Variants in MCPH1 observed in about 807,000 individuals in gnomAD.
The protein encoded by MCPH1 is microcephalin.
A neutral mutation model predicts 84.5 loss-of-function variants in MCPH1; 104 were observed. The observed-to-expected ratio is 1.23, with a 90% confidence interval of 1.05 to 1.45. The LOEUF is 1.45. MCPH1 is among the 40% of genes most tolerant of loss of function. The probability of loss-of-function intolerance (pLI) is 0.00; values close to 1 mark genes in which losing one functional copy is unlikely to be tolerated. For missense variants in MCPH1, 1,498 were observed against 1,005.7 expected (o/e 1.49, Z -6.62); for synonymous variants, 514 against 366.8 (o/e 1.40, Z -4.58).
At chr8:6,414,637 A>G (rs577377777) in intron 2 of MCPH1, 128 bp from the exon 3 acceptor site, 63 of 975,922 alleles carry the variant, frequency 6.5e-5, no homozygotes, top group Middle Eastern at 6.6e-4. Context: ...AGCGTTATGC[A>G]TTCCTTTGAG....
intron 3 of MCPH1, among the ~76,000 whole-genome samples, chr8:6,425,212 G>C (rs907976208): frequency 1.3e-5 from 2 of 152,206 alleles, no homozygotes; most frequent in East Asian, 3.8e-4. Flanking sequence ...TTTGATTTCT[G>C]TTGGCTCTGA....
At chr8:6,568,429 A>T (rs1826391969) in intron 12 of MCPH1, among the ~76,000 whole-genome samples, 1 of 152,228 alleles carries the variant, frequency 6.6e-6, no homozygotes, top group African/African-American at 2.4e-5. Context: ...AAAGTGGAGC[A>T]GCCCCCCAGC....
intron 2 of MCPH1, 108 bp downstream of exon 2, chr8:6,409,478 C>T: frequency 1.1e-6 from 1 of 883,040 alleles, no homozygotes; most frequent in Non-Finnish European, 1.9e-6. Flanking sequence ...CTGGACGAAG[C>T]AATGGGTAAG....
intron 10 of MCPH1, among the ~76,000 whole-genome samples, chr8:6,479,127 T>G (rs1808851045): frequency 6.6e-6 from 1 of 152,014 alleles, no homozygotes; most frequent in South Asian, 2.1e-4. Context: ...TTAGCCAGAC[T>G]TGGTGGTGAA....
At chr8:6,514,437 C>T (rs1342882136) in intron 12 of MCPH1, among the ~76,000 whole-genome samples, 1 of 152,186 alleles carries the variant, frequency 6.6e-6, no homozygotes, top group Non-Finnish European at 1.5e-5. Context: ...AATCCATCTG[C>T]CTCGGCCTCC....
chr8:6,453,755 C>T (rs191380842), intron 8 of MCPH1, among the ~76,000 whole-genome samples: 119 of 152,210 alleles, frequency 7.8e-4, no homozygotes, highest in Non-Finnish European at 2.5e-4. Context: ...TCATGTTCTA[C>T]CCCGGGGGAT....
In MCPH1 at chr8:6,571,130, CAGA is replaced by C. The variant is rs565463513; in HGVS notation, c.2215-50321_2215-50319del. 3.9e-5 allele frequency among the ~76,000 whole-genome samples: 6 copies of C among 152,110 alleles called. No individual in the cohort carries two copies. The South Asian group carries it at 8.3e-4, about 21-fold the overall frequency. ...TTTTATCTTCCCATCAAAAAAATGC[CAGA>C]AGGTCAAGATAGAAGTCACAACATT... On this transcript the variant is annotated intron_variant, in intron 12 of 13. Coordinates refer to ENST00000344683, the MANE Select transcript of MCPH1 (RefSeq NM_024596.5).
chr8:6,519,786 T>G (rs1816958945), intron 12 of MCPH1: 1 of 1,534,674 alleles, frequency 6.5e-7, no homozygotes, highest in Non-Finnish European at 8.9e-7. Flanking sequence ...GGGGAGAGAC[T>G]TCTGCTCTCT....
intron 12 of MCPH1, among the ~76,000 whole-genome samples, chr8:6,614,479 C>G (rs958392507): frequency 1.3e-5 from 2 of 152,238 alleles, no homozygotes; most frequent in African/African-American, 4.8e-5. Context: ...TTCTCGCCCC[C>G]TCTTGTCCCT....
At chr8:6,408,947 G>A (rs185639353) in intron 1 of MCPH1, among the ~76,000 whole-genome samples, 5,547 of 151,504 alleles carry the variant, frequency 0.037, 303 homozygotes, top group African/African-American at 0.12. Flanking sequence ...GTGCAATGGC[G>A]CAATCTCGGC....
intron 9 of MCPH1, among the ~76,000 whole-genome samples, chr8:6,472,331 T>C (rs1367467428): frequency 6.6e-6 from 1 of 152,250 alleles, no homozygotes; most frequent in Non-Finnish European, 1.5e-5. Flanking sequence ...TGTGACAATT[T>C]GTCCCATATA....
chr8:6,502,179 G>A (rs1301362591), intron 12 of MCPH1: 1 of 152,046 alleles, frequency 6.6e-6, no homozygotes, highest in Non-Finnish European at 1.5e-5. Context: ...AGAATGAAAT[G>A]TATAATTTTC....
rs57281899 is a variant in MCPH1, at chr8:6,468,646, GT to G, written c.1936-8933del. Among the ~76,000 whole-genome samples the G allele has an allele frequency of 7.9e-3, 1,055 of 132,838 alleles. 12 individuals carry two copies. Among genetic ancestry groups the G allele is most frequent in the African/African-American group, 0.021 (773 of 37,472 alleles). The allele number at this position is 132,838 out of a possible 152,430, so 87.1% of individuals were successfully genotyped here. On this transcript the variant is annotated intron_variant, in intron 9 of 13. Transcript: ENST00000344683. ...AACTACTTGGATGTACATTTTTTTG[GT>G]TTTTTTTTTTTTTTGCTATGAAAAT...
rs141298198 is a variant in MCPH1 at position 6,608,683 on chromosome 8, C to T, written c.2215-12771C>T. On this transcript the variant is annotated intron_variant, in intron 12 of 13. Coordinates refer to ENST00000344683, the MANE Select transcript of MCPH1 (RefSeq NM_024596.5). Reference sequence around the variant, plus strand: ...CACTCCTGCTACTCTGGCCAAACCTCGTATACTTCAATCAGAATGCTCGGA... The same window carrying T: ...CACTCCTGCTACTCTGGCCAAACCTTGTATACTTCAATCAGAATGCTCGGA... Among the ~76,000 whole-genome samples, 105 of 152,296 alleles carry T rather than the reference C, an allele frequency of 6.9e-4. No homozygotes were observed. The East Asian group carries it at 0.013, about 19-fold the overall frequency.
intron 12 of MCPH1, chr8:6,521,436 A>C: frequency 6.8e-7 from 1 of 1,473,918 alleles, no homozygotes; most frequent in South Asian, 1.2e-5. Flanking sequence ...ATTGTTAGTT[A>C]GTGAAGGCTA....
At chr8:6,436,208 A>C (rs200561926) in intron 5 of MCPH1, 46 bp downstream of exon 5, 1 of 1,591,580 alleles carries the variant, frequency 6.3e-7, no homozygotes, top group Non-Finnish European at 8.6e-7. Flanking sequence ...GTGTCCATAC[A>C]CCTTGTTTAA....
At chr8:6,567,367 G>T (rs2515511) in intron 12 of MCPH1, among the ~76,000 whole-genome samples, 5 of 150,680 alleles carry the variant, frequency 3.3e-5, no homozygotes, top group East Asian at 4.0e-4. Context: ...ATGTTTGATC[G>T]GCAAGGCCAT....
chr8:6,475,933 C>A (rs1040809122), intron 9 of MCPH1, among the ~76,000 whole-genome samples: 2 of 152,058 alleles, frequency 1.3e-5, no homozygotes, highest in Non-Finnish European at 2.9e-5. Context: ...AAGGCAGATC[C>A]CTGGATCAAC....
chr8:6,412,790 G>C (rs191397881), intron 2 of MCPH1, among the ~76,000 whole-genome samples: 1 of 152,116 alleles, frequency 6.6e-6, no homozygotes, highest in Non-Finnish European at 1.5e-5. Context: ...TGCCTTGATA[G>C]CTCCCATGGA....
Sources: allele counts gnomAD v4.1 joint callset (sites outside exome capture counted in the v4.1 genomes callset), GRCh38; gene constraint gnomAD v4.1.1; transcripts MANE v1.5; gene names NCBI Gene and HGNC (gene_info 2026-07-23, HGNC 2026-07-21).